Variants in ANO4 observed in about 807,000 individuals in gnomAD.
The protein encoded by ANO4 is anoctamin 4.
ANO4 carries 69 observed loss-of-function variants against 141.9 expected under a neutral mutation model. The ratio of observed to expected loss-of-function variants is 0.49; its 90% confidence interval spans 0.40 to 0.59. The LOEUF is 0.59. ANO4 is among the 20% of genes least tolerant of loss of function. The probability of loss-of-function intolerance (pLI) is 0.00; values close to 1 mark genes in which losing one functional copy is unlikely to be tolerated. For synonymous variants in ANO4, 350 were observed against 394.3 expected, an observed-to-expected ratio of 0.89 and a Z score of 1.33; for missense variants, 894 against 1,162.2, an observed-to-expected ratio of 0.77 and a Z score of 3.36.
At chr12:100,750,422 G>A (rs1388802068) in intron 3 of ANO4, among the ~76,000 whole-genome samples, 1 of 151,586 alleles carries the variant, frequency 6.6e-6, no homozygotes, top group Non-Finnish European at 1.5e-5. Context: ...AGGATTACAT[G>A]CGTGAGCCAC....
At chr12:101,052,159 A>G (rs978665210) in intron 14 of ANO4, among the ~76,000 whole-genome samples, 4 of 152,170 alleles carry the variant, frequency 2.6e-5, no homozygotes, top group Non-Finnish European at 4.4e-5. Context: ...ACCAGTTTGT[A>G]GCAACTGGGA....
intron 3 of ANO4, among the ~76,000 whole-genome samples, chr12:100,789,268 G>T (rs1017209036): frequency 2.0e-5 from 3 of 152,086 alleles, no homozygotes; most frequent in Admixed American, 6.5e-5. Context: ...ACAGAGTGAG[G>T]CAGAGTCAAG....
At chr12:101,065,067 A>T (rs910768026) in intron 14 of ANO4, among the ~76,000 whole-genome samples, 2 of 152,210 alleles carry the variant, frequency 1.3e-5, no homozygotes, top group African/African-American at 4.8e-5. Context: ...GGGTATGCCA[A>T]AGAGAAGCTG....
intron 1 of ANO4, among the ~76,000 whole-genome samples, chr12:100,864,755 A>G (rs930468415): frequency 2.0e-5 from 3 of 152,144 alleles, no homozygotes; most frequent in African/African-American, 7.2e-5. Context: ...TTACATAGAT[A>G]TACATGCGCC....
At chr12:100,721,497 G>C (rs1034220595) in intron 1 of ANO4, among the ~76,000 whole-genome samples, 151 of 152,280 alleles carry the variant, frequency 9.9e-4, no homozygotes, top group African/African-American at 3.2e-3. Context: ...ATGAAGGGGA[G>C]AAATGTCAGG....
chr12:100,765,385 T>C (rs2135536777), intron 3 of ANO4, among the ~76,000 whole-genome samples: 1 of 148,228 alleles, frequency 6.7e-6, no homozygotes, highest in East Asian at 1.9e-4. Flanking sequence ...CTTTCTTTTT[T>C]TTTTTTTTTT....
chr12:101,054,654 C>T (rs1443072161), intron 14 of ANO4, among the ~76,000 whole-genome samples: 1 of 152,144 alleles, frequency 6.6e-6, no homozygotes, highest in Non-Finnish European at 1.5e-5. Context: ...CGCCCGCCAC[C>T]ACGCCCAGCT....
chr12:101,006,631 A>G (rs544165862), intron 8 of ANO4, among the ~76,000 whole-genome samples: 1 of 152,368 alleles, frequency 6.6e-6, no homozygotes, highest in Admixed American at 6.5e-5. Context: ...GCAGCAGGGA[A>G]CATGATGGAC....
chr12:100,874,421 G>A (rs557006482), intron 1 of ANO4, among the ~76,000 whole-genome samples: 2 of 152,260 alleles, frequency 1.3e-5, no homozygotes, highest in African/African-American at 4.8e-5. Flanking sequence ...CAGGGGCAGA[G>A]CTGCCTAAGG....
chr12:100,780,360 G>C lies in ANO4; in HGVS notation c.358+40255G>C, dbSNP rs771672578. Among the ~76,000 whole-genome samples, 141 of 152,244 alleles carry C rather than the reference G, an allele frequency of 9.3e-4. No individual in the cohort carries two copies. The Middle Eastern group carries it at 0.01, about 11-fold the overall frequency. ...CAGCAAAATGGCTGCTCCACAGACA[G>C]AGCAGGGCTATCTCATAGACAGAGT... On this transcript the variant is annotated intron_variant, in intron 3 of 29. Coordinates refer to the ANO4 transcript ENST00000644049.
intron 1 of ANO4, among the ~76,000 whole-genome samples, chr12:100,819,984 C>T (rs1178662130): frequency 6.6e-6 from 1 of 151,952 alleles, no homozygotes; most frequent in Non-Finnish European, 1.5e-5. Flanking sequence ...TCCCTGGTAT[C>T]TGGCATGTAG....
At chr12:100,761,879 A>G (rs1011622825) in intron 3 of ANO4, among the ~76,000 whole-genome samples, 2 of 151,982 alleles carry the variant, frequency 1.3e-5, no homozygotes, top group African/African-American at 4.8e-5. Flanking sequence ...TGTTCTCTGA[A>G]TCTCTCCCCA....
intron 3 of ANO4, among the ~76,000 whole-genome samples, chr12:100,933,871 A>T (rs2042180429): frequency 6.6e-6 from 1 of 152,082 alleles, no homozygotes. Flanking sequence ...GCATTTTTTC[A>T]TGTGTCTGTT....
chr12:100,836,883 CA>C (rs1177219481), intron 1 of ANO4, among the ~76,000 whole-genome samples: 1 of 152,054 alleles, frequency 6.6e-6, no homozygotes, highest in Non-Finnish European at 1.5e-5. Flanking sequence ...GTGGATGAAC[CA>C]TCCAGGTGAA....
intron 1 of ANO4, among the ~76,000 whole-genome samples, chr12:100,733,103 A>G (rs759952406): frequency 2.6e-5 from 4 of 152,144 alleles, no homozygotes; most frequent in Admixed American, 6.5e-5. Flanking sequence ...GTGTCCTCCA[A>G]TCTATCCTGG....
intron 1 of ANO4, among the ~76,000 whole-genome samples, chr12:100,862,401 A>C (rs1365819467): frequency 6.6e-6 from 1 of 152,160 alleles, no homozygotes; most frequent in East Asian, 1.9e-4. Context: ...AGCTCACTGC[A>C]ATCTCCGCCT....
At chr12:100,976,459 T>A (rs2044199011) in intron 7 of ANO4, among the ~76,000 whole-genome samples, 3 of 152,232 alleles carry the variant, frequency 2.0e-5, no homozygotes, top group African/African-American at 7.2e-5. Context: ...ATTGCTACCT[T>A]GTCACACTGT....
At chr12:100,722,550 G>A (rs946756827) in intron 1 of ANO4, among the ~76,000 whole-genome samples, 11 of 152,064 alleles carry the variant, frequency 7.2e-5, no homozygotes, top group African/African-American at 2.4e-4. Context: ...TTTTCCCCTT[G>A]ACATTCTCTG....
intron 10 of ANO4, 120 bp downstream of exon 10, chr12:101,037,270 A>G (rs942131948): frequency 1.2e-5 from 12 of 1,003,360 alleles, no homozygotes; most frequent in African/African-American, 1.1e-4. Flanking sequence ...AATTTGTTCA[A>G]TGGGTAATTA....
Sources: gnomAD v4.1 joint callset for allele counts (sites outside exome capture counted in the v4.1 genomes callset) on GRCh38, gnomAD v4.1.1 for gene constraint, MANE v1.5 for transcripts, NCBI Gene and HGNC (gene_info 2026-07-23, HGNC 2026-07-21) for gene names.